ACOD1: variants seen among roughly 807,000 people sequenced by gnomAD.
ACOD1 encodes the protein aconitate decarboxylase 1.
A neutral mutation model predicts 14.2 loss-of-function variants in ACOD1; 14 were observed. The observed-to-expected ratio is 0.99, with a 90% CI of 0.65 to 1.54. The LOEUF is 1.54. ACOD1 is among the 40% of genes most tolerant of loss of function. The pLI, the probability that ACOD1 is intolerant of heterozygous loss-of-function variation, is 0.00. For synonymous variants in ACOD1, 182 were observed against 221.7 expected (o/e 0.82, Z 1.59); for missense variants, 530 against 586.3 (o/e 0.90, Z 0.99).
At chr13:76,950,631 C>T (rs986547890) in intron 1 of ACOD1, among the ~76,000 whole-genome samples, 2 of 152,178 alleles carry the variant, frequency 1.3e-5, no homozygotes, top group Admixed American at 6.5e-5. Context: ...TGCTCCTCTT[C>T]CTGTGTTCTC....
intron 1 of ACOD1, among the ~76,000 whole-genome samples, chr13:76,951,173 C>T (rs989886191): frequency 2.0e-5 from 3 of 152,136 alleles, no homozygotes; most frequent in Admixed American, 6.6e-5. Flanking sequence ...AGAAACTGAT[C>T]AATTAATAAC....
intron 1 of ACOD1, among the ~76,000 whole-genome samples, chr13:76,950,248 T>A (rs2033809713): frequency 1.3e-5 from 2 of 152,072 alleles, no homozygotes; most frequent in Admixed American, 1.3e-4. Flanking sequence ...AAAAATGAAG[T>A]ATCTGATGTT....
Position 76,952,591 on chromosome 13 carries a change from G to C in ACOD1, c.115G>C (p.Gly39Arg). The C allele has an allele frequency of 6.4e-7, 1 of 1,550,442 alleles. No homozygotes were observed. Among genetic ancestry groups the C allele is most frequent in the Non-Finnish European group, 8.7e-7 (1 of 1,146,956 alleles). ...CAAGAGGATGATTCTAGACACTCTG[G>C]GTGCTGGGTTCCTGGGAACCACTAC... Reference protein sequence around the residue: ...RSKRMILDTLGAGFLGTTTEV... With the variant: ...RSKRMILDTLRAGFLGTTTEV... The change falls in exon 2 of 5, where the codon GGT becomes CGT. Residue 39 changes from glycine to arginine, a missense_variant. Physicochemically the swap from Gly to Arg is moderately radical, Grantham distance 125 (BLOSUM62 -2). Coordinates refer to ENST00000377462, the MANE Select transcript of ACOD1 (RefSeq NM_001258406.2).
At chr13:76,955,043 CT>C (rs2137748171) in intron 3 of ACOD1, among the ~76,000 whole-genome samples, 1 of 146,548 alleles carries the variant, frequency 6.8e-6, no homozygotes, top group African/African-American at 2.6e-5. Context: ...AGGAGAATTG[CT>C]TGAACCCAGG....
intron 1 of ACOD1, among the ~76,000 whole-genome samples, chr13:76,949,610 T>C (rs1273576203): frequency 6.6e-6 from 1 of 152,060 alleles, no homozygotes; most frequent in Non-Finnish European, 1.5e-5. Context: ...GGGCTCCATG[T>C]CACCACCCCA....
At chr13:76,949,472 G>T (rs907787176) in intron 1 of ACOD1, among the ~76,000 whole-genome samples, 7 of 152,106 alleles carry the variant, frequency 4.6e-5, no homozygotes, top group Non-Finnish European at 7.4e-5. Context: ...TCCTTCAGGG[G>T]CCAGGGACAG....
intron 4 of ACOD1, 115 bp from the exon 5 acceptor site, chr13:76,956,895 T>C: frequency 2.7e-6 from 3 of 1,116,792 alleles, no homozygotes; most frequent in Non-Finnish European, 3.8e-6. Context: ...GTAATGGAGC[T>C]GAGATCTGAA....
chr13:76,954,073 C>A (rs1162188288), intron 3 of ACOD1, among the ~76,000 whole-genome samples: 3 of 152,214 alleles, frequency 2.0e-5, no homozygotes, highest in African/African-American at 7.2e-5. Context: ...TTCACTCATT[C>A]ATCCATTCAA....
chr13:76,954,414 G>T (rs992331529), intron 3 of ACOD1, among the ~76,000 whole-genome samples: 2 of 152,072 alleles, frequency 1.3e-5, no homozygotes, highest in Non-Finnish European at 2.9e-5. Context: ...TTAATATAAA[G>T]AAAAAGAAAA....
At chr13:76,953,360 T>A (rs2033842073) in intron 2 of ACOD1, among the ~76,000 whole-genome samples, 1 of 152,054 alleles carries the variant, frequency 6.6e-6, no homozygotes, top group East Asian at 1.9e-4. Context: ...CAGATGTGCT[T>A]CCTTGGAGCA....
At chr13:76,948,624 C>T (rs904795488) in intron 1 of ACOD1, 54 bp downstream of exon 1, 2 of 1,443,862 alleles carry the variant, frequency 1.4e-6, no homozygotes, top group African/African-American at 1.4e-5. Flanking sequence ...CAGACTTCTT[C>T]CTTCCTCAAT....
At position 76,952,335 on chromosome 13, in the gene ACOD1, T is replaced by C. The variant is rs78658340; in HGVS notation, c.13-154T>C. On this transcript the variant is annotated intron_variant, in intron 1 of 4. Transcript: ENST00000377462. Reference sequence around the variant, plus strand: ...ACATAGTAGGTGCTTAGTACACATCTTTTTTTTTTTAGAAATTAAACTAAA... The same window carrying C: ...ACATAGTAGGTGCTTAGTACACATCCTTTTTTTTTTAGAAATTAAACTAAA... 9.4e-6 allele frequency: 3 copies of C among 319,966 alleles called. No individual in the cohort carries two copies. The Admixed American group carries it at 1.5e-4, about 16-fold the overall frequency. 19.8% of individuals were successfully genotyped at this position (319,966 alleles called of 1,614,324 possible). A position where few individuals can be genotyped will look rare whatever the true frequency, so the allele number is the denominator to read the frequency against.
At chr13:76,948,740 T>C (rs1163073596) in intron 1 of ACOD1, among the ~76,000 whole-genome samples, 170 bp downstream of exon 1, 1 of 152,230 alleles carries the variant, frequency 6.6e-6, no homozygotes, top group Non-Finnish European at 1.5e-5. Flanking sequence ...ATTACTGTTT[T>C]ACAAATGAGA....
At chr13:76,951,428 GT>G (rs2033820156) in intron 1 of ACOD1, among the ~76,000 whole-genome samples, 1 of 152,088 alleles carries the variant, frequency 6.6e-6, no homozygotes, top group Admixed American at 6.6e-5. Context: ...TAGAGATGGG[GT>G]TTTGCCACCT....
chr13:76,954,342 C>A (rs2033851204), intron 3 of ACOD1, among the ~76,000 whole-genome samples: 1 of 152,126 alleles, frequency 6.6e-6, no homozygotes, highest in Non-Finnish European at 1.5e-5. Flanking sequence ...GTGGGAAATG[C>A]ACCAGTGACA....
At chr13:76,951,633 T>C (rs1053001087) in intron 1 of ACOD1, among the ~76,000 whole-genome samples, 9 of 152,212 alleles carry the variant, frequency 5.9e-5, no homozygotes, top group African/African-American at 1.9e-4. Context: ...AAATCAGTCT[T>C]TATTTTACTC....
chr13:76,955,126 CAAAAAAA>C (rs34230053), intron 3 of ACOD1, among the ~76,000 whole-genome samples, 186 bp from the exon 4 acceptor site: 24 of 98,872 alleles, frequency 2.4e-4, no homozygotes, highest in East Asian at 6.8e-4. Flanking sequence ...GACTCTGTCT[CAAAAAAA>C]AAAAAAAAAA....
chr13:76,951,116 T>C (rs80075050), intron 1 of ACOD1, among the ~76,000 whole-genome samples: 3,032 of 152,340 alleles, frequency 0.02, 65 homozygotes, highest in East Asian at 0.1. Context: ...AAGTCACATA[T>C]GTAATTTAAA....
chr13:76,951,283 G>A (rs1007391028), intron 1 of ACOD1, among the ~76,000 whole-genome samples: 4 of 151,878 alleles, frequency 2.6e-5, no homozygotes, highest in African/African-American at 7.3e-5. Context: ...TTGCCCAGGC[G>A]GGAGTGCGGT....
Sources: allele counts gnomAD v4.1 joint callset (sites outside exome capture counted in the v4.1 genomes callset), GRCh38; gene constraint gnomAD v4.1.1; transcripts MANE v1.5; gene names NCBI Gene and HGNC (gene_info 2026-07-23, HGNC 2026-07-21).